The following COL6A6 variants were observed in gnomAD, a reference collection of about 807,000 sequenced individuals.
The protein encoded by COL6A6 is collagen alpha-6(VI) chain.
Under a neutral mutation model 208.6 loss-of-function variants are expected in COL6A6, and 183 were observed. The ratio of observed to expected loss-of-function variants is 0.88; its 90% CI spans 0.78 to 0.99. COL6A6 has a LOEUF of 0.99. Among genes scored for constraint, COL6A6 ranks in the 50% least tolerant of loss-of-function variants. COL6A6 has a pLI of 0.00. For missense variants in COL6A6, 2,816 were observed against 2,815.2 expected (o/e 1.00, Z -0.01); for synonymous variants, 973 against 1,011.8 (o/e 0.96, Z 0.73).
At chr3:130,590,272 T>TATAC (rs2063646923) in intron 12 of COL6A6, among the ~76,000 whole-genome samples, 1 of 18,856 alleles carries the variant, frequency 5.3e-5, no homozygotes, top group Non-Finnish European at 1.2e-4. Flanking sequence ...TATATATATA[T>TATAC]ATATATATAT....
chr3:130,583,790 G>A (rs918954072), intron 10 of COL6A6, among the ~76,000 whole-genome samples: 2 of 152,098 alleles, frequency 1.3e-5, no homozygotes, highest in Non-Finnish European at 2.9e-5. Flanking sequence ...CTTTAATAAA[G>A]TAAAGAAAGT....
intron 1 of COL6A6, among the ~76,000 whole-genome samples, chr3:130,518,391 T>C (rs1710864106): frequency 6.6e-6 from 1 of 152,260 alleles, no homozygotes; most frequent in East Asian, 1.9e-4. Flanking sequence ...GTTAAATTTA[T>C]TGTTCAGTGT....
chr3:130,570,623 C>A (rs1417839810), intron 6 of COL6A6, among the ~76,000 whole-genome samples, 195 bp from the exon 7 acceptor site: 1 of 152,174 alleles, frequency 6.6e-6, no homozygotes, highest in East Asian at 1.9e-4. Context: ...CTTACAAGCT[C>A]ACCTAAGTGA....
At chr3:130,575,898 T>A (rs1034142627) in intron 8 of COL6A6, among the ~76,000 whole-genome samples, 1 of 150,172 alleles carries the variant, frequency 6.7e-6, no homozygotes, top group Non-Finnish European at 1.5e-5. Flanking sequence ...CCATCACAGT[T>A]TTTTTTTTTA....
At position 130,612,015 on chromosome 3, in the gene COL6A6, T is replaced by A. The variant is rs57562644; in HGVS notation, c.4815+1304T>A. Among the ~76,000 whole-genome samples, 12 of 152,316 alleles carry A rather than the reference T, an allele frequency of 7.9e-5. No individual in the cohort carries two copies. The East Asian group carries it at 2.3e-3, about 29-fold the overall frequency. On this transcript the variant is annotated intron_variant, in intron 23 of 36. Transcript: ENST00000358511. ...GTTCTTGTTGTTTGGCTCCCACTTA[T>A]AAGTGAGAACATGTGGTATTTGTTT...
At chr3:130,577,807 T>C (rs188997699) in intron 8 of COL6A6, among the ~76,000 whole-genome samples, 9 of 152,336 alleles carry the variant, frequency 5.9e-5, no homozygotes, top group African/African-American at 2.2e-4. Context: ...ATGGTAAGTG[T>C]TCATTGAGAG....
rs1189944986 is a variant in COL6A6, at chr3:130,563,499, G to A, written c.496G>A (p.Val166Met). ...KDGVKIISVG[V>M]QKASEENLKA... ...CGGAGTGAAAATCATCTCTGTAGGG[G>A]TGCAGAAAGCTTCTGAGGAAAACCT... The change falls in exon 3 of 37, where the codon GTG (valine) becomes ATG (methionine). Residue 166 changes from valine to methionine, a missense_variant. Transcript: ENST00000358511. 1 of 1,614,010 alleles carries A rather than the reference G, an allele frequency of 6.2e-7. No individual in the cohort carries two copies. The highest frequency in any genetic ancestry group is 8.5e-7 in the Non-Finnish European group (1 of 1,179,896).
intron 1 of COL6A6, among the ~76,000 whole-genome samples, chr3:130,534,570 A>G (rs2062180724): frequency 6.6e-6 from 1 of 152,170 alleles, no homozygotes. Flanking sequence ...CCTTTGGAAT[A>G]TTGTGTGTGA....
intron 12 of COL6A6, among the ~76,000 whole-genome samples, chr3:130,590,620 T>A (rs1277531207): frequency 2.0e-5 from 3 of 151,814 alleles, no homozygotes; most frequent in African/African-American, 4.8e-5. Flanking sequence ...CAGGCTGGAG[T>A]GCAGTGGTGC....
chr3:130,524,329 C>T (rs2061910819), intron 1 of COL6A6, among the ~76,000 whole-genome samples: 1 of 152,206 alleles, frequency 6.6e-6, no homozygotes, highest in Non-Finnish European at 1.5e-5. Flanking sequence ...GACGCACTTA[C>T]CTAATAGTCC....
At chr3:130,668,666 C>CT (rs2066136330) in intron 36 of COL6A6, among the ~76,000 whole-genome samples, 1 of 151,952 alleles carries the variant, frequency 6.6e-6, no homozygotes, top group African/African-American at 2.4e-5. Flanking sequence ...AAGAGGATGA[C>CT]TACATGATGA....
intron 1 of COL6A6, among the ~76,000 whole-genome samples, chr3:130,552,842 C>T (rs993857040): frequency 5.3e-5 from 8 of 152,100 alleles, no homozygotes; most frequent in Non-Finnish European, 8.8e-5. Flanking sequence ...TAAGGCAGGT[C>T]TGGTAATAAT....
intron 1 of COL6A6, among the ~76,000 whole-genome samples, chr3:130,543,468 A>T (rs1455773995): frequency 2.0e-5 from 3 of 152,046 alleles, no homozygotes; most frequent in African/African-American, 7.2e-5. Context: ...TGAGCATTTT[A>T]TGATTACATT....
chr3:130,591,934 A>T (rs899006986), intron 13 of COL6A6, among the ~76,000 whole-genome samples: 4 of 152,202 alleles, frequency 2.6e-5, no homozygotes, highest in Non-Finnish European at 5.9e-5. Flanking sequence ...AGTATGTTCA[A>T]GGGCATGTAT....
intron 36 of COL6A6, 29 bp from the exon 37 acceptor site, chr3:130,675,173 C>G: frequency 7.2e-7 from 1 of 1,393,220 alleles, no homozygotes; most frequent in Non-Finnish European, 9.6e-7. Context: ...TGGCATTTAT[C>G]TTCTATGATG....
intron 32 of COL6A6, among the ~76,000 whole-genome samples, chr3:130,646,055 A>G (rs1265689779): frequency 6.6e-6 from 1 of 152,258 alleles, no homozygotes; most frequent in Non-Finnish European, 1.5e-5. Context: ...TCACAAACAA[A>G]TAAACAAAGG....
rs753975650 is a variant in COL6A6, at chr3:130,566,769, A to G, written c.1350A>G (p.Thr450=). The stretch of plus-strand genomic sequence containing the variant: ...ATGGCTCAGGGAGCACCCAGGCCAC[A>G]GATTTCCATGAAATGAAGACGTTCC... ...LIDGSGSTQA[T]DFHEMKTFLS... The change falls in exon 5 of 37, where the codon ACA becomes ACG. Residue 450 remains threonine, a synonymous_variant. Coordinates refer to ENST00000358511, the MANE Select transcript of COL6A6 (RefSeq NM_001102608.3). The G allele has an allele frequency of 1.2e-6, 2 of 1,614,056 alleles. No individual in the cohort carries two copies. The highest frequency in any genetic ancestry group is 3.3e-5 in the Admixed American group (2 of 60,026).
At position 130,626,360 on chromosome 3, in the gene COL6A6, T is replaced by G. The variant is rs2064884694; in HGVS notation, c.4879-125T>G. ...CCTGGCCAACAACAGCAGTTCCTCT[T>G]GTATCACTTGCACGACACACAGTTC... On this transcript the variant is annotated intron_variant, in intron 24 of 36. Transcript: ENST00000358511. 1.1e-5 allele frequency: 8 copies of G among 724,542 alleles called. 1 individual carries two copies. Among genetic ancestry groups the G allele is most frequent in the Non-Finnish European group, 2.0e-5 (8 of 399,568 alleles). 44.9% of individuals were successfully genotyped at this position (724,542 alleles called of 1,614,324 possible).
At chr3:130,539,502 T>C (rs1458953824) in intron 1 of COL6A6, among the ~76,000 whole-genome samples, 4 of 151,916 alleles carry the variant, frequency 2.6e-5, no homozygotes, top group Non-Finnish European at 5.9e-5. Flanking sequence ...GGTGTGGTGG[T>C]GGGCGCCTAT....
Sources: gnomAD v4.1 joint callset for allele counts (sites outside exome capture counted in the v4.1 genomes callset) on GRCh38, gnomAD v4.1.1 for gene constraint, MANE v1.5 for transcripts, NCBI Gene and HGNC (gene_info 2026-07-23, HGNC 2026-07-21) for gene names.